Variants in SCN9A observed in about 807,000 individuals in gnomAD.
SCN9A encodes sodium channel protein type 9 subunit alpha.
SCN9A carries 131 observed loss-of-function variants against 187.0 expected under a neutral mutation model. That is an observed-to-expected ratio of 0.70 (90% CI 0.61 to 0.81). SCN9A has a LOEUF of 0.81. Among genes scored for constraint, SCN9A ranks in the 30% least tolerant of loss-of-function variants. The pLI, the probability that SCN9A is intolerant of heterozygous loss-of-function variation, is 0.00. For synonymous variants in SCN9A, 809 were observed against 808.6 expected, an observed-to-expected ratio of 1.00 and a Z score of -0.01; for missense variants, 2,252 against 2,396.6, an observed-to-expected ratio of 0.94 and a Z score of 1.26.
chr2:166,339,322 G>A (rs181544216), intron 1 of SCN9A, among the ~76,000 whole-genome samples: 1 of 152,184 alleles, frequency 6.6e-6, no homozygotes, highest in Non-Finnish European at 1.5e-5. Flanking sequence ...CTGACTCTCT[G>A]ATATATAATG....
chr2:166,370,009 CT>C (rs1700509987), intron 1 of SCN9A, among the ~76,000 whole-genome samples: 1 of 151,806 alleles, frequency 6.6e-6, no homozygotes, highest in African/African-American at 2.4e-5. Flanking sequence ...TCATTTTTCC[CT>C]GTTTTACTCA....
In SCN9A at chr2:166,284,567, A is replaced by C. The variant is rs1206104602; in HGVS notation, c.1860T>G (p.Ser620Arg). The change falls in exon 12 of 27, where the codon AGT becomes AGG. Residue 620 changes from serine (S) to arginine (R), a missense_variant. By Grantham distance (110) the Ser-to-Arg change is moderately radical. Around this residue, in one of 7 missense-constraint regions of SCN9A, gnomAD observed 1,013 missense variants for 997.4 expected, o/e 1.02. Coordinates refer to ENST00000642356, the MANE Select transcript of SCN9A (RefSeq NM_001365536.1). ...AGACCACACCGTTGCAGTCCACAGC[A>C]CTGTGCATTTTCCCGTTCACCGGCA... ...PMLPVNGKMH[S>R]AVDCNGVVSL... 1.2e-6 allele frequency: 2 copies of C among 1,614,046 alleles called. No individual in the cohort carries two copies. Among genetic ancestry groups the C allele is most frequent in the East Asian group, 2.2e-5 (1 of 44,890 alleles).
chr2:166,345,782 C>T (rs16851964), intron 1 of SCN9A, among the ~76,000 whole-genome samples: 7,946 of 152,142 alleles, frequency 0.052, 678 homozygotes, highest in African/African-American at 0.18. Flanking sequence ...TACCTCCTCC[C>T]CAAATAAAAT....
intron 1 of SCN9A, among the ~76,000 whole-genome samples, chr2:166,330,934 T>C (rs1354026586): frequency 6.6e-6 from 1 of 152,132 alleles, no homozygotes; most frequent in East Asian, 1.9e-4. Flanking sequence ...TAACCCACTG[T>C]GGCCTATAAA....
At chr2:166,236,362 T>C (rs1000794532) in intron 20 of SCN9A, among the ~76,000 whole-genome samples, 1 of 152,166 alleles carries the variant, frequency 6.6e-6, no homozygotes, top group African/African-American at 2.4e-5. Flanking sequence ...ACATTACATA[T>C]TATAGAAAAA....
At chr2:166,238,334 A>G (rs1695412955) in intron 19 of SCN9A, 67 bp from the exon 20 acceptor site, 1 of 1,056,806 alleles carries the variant, frequency 9.5e-7, no homozygotes, top group Non-Finnish European at 1.4e-6. Context: ...TAAAAAAAAC[A>G]GGAAAAATAC....
chr2:166,283,078 G>T (rs1697566266), intron 12 of SCN9A, among the ~76,000 whole-genome samples: 1 of 151,902 alleles, frequency 6.6e-6, no homozygotes, highest in South Asian at 2.1e-4. Context: ...AGGATTTATT[G>T]TGATACTGAT....
intron 24 of SCN9A, among the ~76,000 whole-genome samples, chr2:166,212,593 A>C (rs911520845): frequency 6.6e-6 from 1 of 152,220 alleles, no homozygotes; most frequent in Non-Finnish European, 1.5e-5. Context: ...CAGATATGGA[A>C]TCTATAAACA....
chr2:166,309,343 G>T (rs1007053767), intron 2 of SCN9A, among the ~76,000 whole-genome samples: 7 of 152,068 alleles, frequency 4.6e-5, no homozygotes, highest in Non-Finnish European at 1.0e-4. Flanking sequence ...AGTGATTTTT[G>T]GGTCTGCATA....
intron 24 of SCN9A, among the ~76,000 whole-genome samples, chr2:166,219,690 A>G (rs887788766): frequency 6.6e-6 from 1 of 152,196 alleles, no homozygotes; most frequent in African/African-American, 2.4e-5. Context: ...CCTATGTAAC[A>G]AGACTGCACA....
At chr2:166,324,927 G>A (rs940803073) in intron 1 of SCN9A, among the ~76,000 whole-genome samples, 1 of 152,136 alleles carries the variant, frequency 6.6e-6, no homozygotes, top group Non-Finnish European at 1.5e-5. Context: ...AAGGAAATTA[G>A]TGAAAAACTA....
intron 17 of SCN9A, among the ~76,000 whole-genome samples, chr2:166,259,630 TA>T (rs1003346345): frequency 3.3e-5 from 5 of 151,772 alleles, no homozygotes; most frequent in African/African-American, 1.2e-4. Context: ...ATTCTCAGTA[TA>T]GGGGGTGAGG....
At chr2:166,328,191 G>T (rs897036468) in intron 1 of SCN9A, among the ~76,000 whole-genome samples, 3 of 151,946 alleles carry the variant, frequency 2.0e-5, no homozygotes, top group Non-Finnish European at 4.4e-5. Flanking sequence ...TCCCAGTATT[G>T]GTTACATGGT....
chr2:166,344,688 T>C (rs1699860561), intron 1 of SCN9A, among the ~76,000 whole-genome samples: 1 of 152,212 alleles, frequency 6.6e-6, no homozygotes, highest in South Asian at 2.1e-4. Context: ...AAGCTCCTTT[T>C]AGTGATCCTT....
intron 1 of SCN9A, among the ~76,000 whole-genome samples, chr2:166,316,739 A>G (rs933250176): frequency 4.6e-5 from 7 of 152,210 alleles, no homozygotes; most frequent in Non-Finnish European, 7.3e-5. Context: ...TAATTTTGTA[A>G]TATCTATCAA....
chr2:166,357,910 A>T (rs1700188024), intron 1 of SCN9A, among the ~76,000 whole-genome samples: 1 of 152,156 alleles, frequency 6.6e-6, no homozygotes. Context: ...TAACTCCTTC[A>T]TAAAGGCCTA....
At chr2:166,282,692 T>C (rs1181353680) in intron 12 of SCN9A, among the ~76,000 whole-genome samples, 3 of 152,070 alleles carry the variant, frequency 2.0e-5, no homozygotes, top group Admixed American at 6.6e-5. Context: ...ATTTGTAAAG[T>C]TGTATAGTTG....
chr2:166,344,535 G>T (rs10188002), intron 1 of SCN9A, among the ~76,000 whole-genome samples: 7,945 of 152,158 alleles, frequency 0.052, 677 homozygotes, highest in African/African-American at 0.18. Flanking sequence ...CAAGAGTACT[G>T]GGCTTGGTCA....
intron 21 of SCN9A, among the ~76,000 whole-genome samples, chr2:166,230,751 G>T (rs1321992107): frequency 6.6e-6 from 1 of 152,090 alleles, no homozygotes; most frequent in Non-Finnish European, 1.5e-5. Flanking sequence ...GGGGACCGGG[G>T]TCTATGTACC....
Sources: gnomAD v4.1 joint callset for allele counts (sites outside exome capture counted in the v4.1 genomes callset) on GRCh38, gnomAD v4.1.1 for gene constraint, gnomAD v4.1.1 regional missense constraint, MANE v1.5 for transcripts, NCBI Gene and HGNC (gene_info 2026-07-23, HGNC 2026-07-21) for gene names.